HEPACAM2: variants seen among roughly 807,000 people sequenced by gnomAD.
The protein encoded by HEPACAM2 is mitotic kinetics regulator.
A neutral mutation model predicts 49.6 loss-of-function variants in HEPACAM2; 49 were observed. That is an observed-to-expected ratio of 0.99 (90% CI 0.78 to 1.25). The LOEUF (loss-of-function observed/expected upper bound fraction) is 1.25. Among genes scored for constraint, HEPACAM2 ranks in the 50% most tolerant of loss-of-function variants. The pLI is 0.00. For missense variants in HEPACAM2, 525 were observed against 557.2 expected, an observed-to-expected ratio of 0.94 and a Z score of 0.58; for synonymous variants, 197 against 202.9, an observed-to-expected ratio of 0.97 and a Z score of 0.25.
intron 2 of HEPACAM2, among the ~76,000 whole-genome samples, chr7:93,217,825 TAGAG>T (rs1794343167): frequency 6.7e-6 from 1 of 150,338 alleles, no homozygotes; most frequent in African/African-American, 2.4e-5. Flanking sequence ...GAATTGGAGA[TAGAG>T]AGTGACTCTC....
At chr7:93,219,604 G>T in intron 1 of HEPACAM2, 153 bp from the exon 2 acceptor site, 1 of 1,363,488 alleles carries the variant, frequency 7.3e-7, no homozygotes, top group Non-Finnish European at 9.7e-7. Context: ...ACATATAGAG[G>T]TAAATATTTG....
At chr7:93,224,257 G>A (rs1330262005) in intron 1 of HEPACAM2, among the ~76,000 whole-genome samples, 1 of 151,792 alleles carries the variant, frequency 6.6e-6, no homozygotes, top group Admixed American at 6.6e-5. Flanking sequence ...CGAGACCTCT[G>A]TCTCTATTTG....
intron 4 of HEPACAM2, among the ~76,000 whole-genome samples, chr7:93,204,190 G>C (rs540943002): frequency 2.0e-4 from 31 of 152,214 alleles, no homozygotes; most frequent in African/African-American, 7.5e-4. Context: ...CGTACAAATT[G>C]AAAACATTTC....
At chr7:93,194,465 T>A (rs965776417) in intron 8 of HEPACAM2, among the ~76,000 whole-genome samples, 8 of 152,108 alleles carry the variant, frequency 5.3e-5, no homozygotes, top group African/African-American at 1.7e-4. Context: ...GTCTTTTGGT[T>A]GTGGAAGTGA....
intron 8 of HEPACAM2, 69 bp downstream of exon 8, chr7:93,195,759 A>ACTGCCC: frequency 8.0e-7 from 1 of 1,245,816 alleles, no homozygotes; most frequent in Non-Finnish European, 1.2e-6. Context: ...GTGCTTAAAC[A>ACTGCCC]AATGCTTTTT....
At chr7:93,199,232 A>G (rs1793817000) in intron 4 of HEPACAM2, among the ~76,000 whole-genome samples, 1 of 152,134 alleles carries the variant, frequency 6.6e-6, no homozygotes, top group African/African-American at 2.4e-5. Flanking sequence ...CAGATTTTAA[A>G]TTAAACTCTT....
intron 4 of HEPACAM2, among the ~76,000 whole-genome samples, chr7:93,197,982 T>C (rs1463047903): frequency 2.6e-5 from 4 of 152,110 alleles, no homozygotes; most frequent in Admixed American, 6.6e-5. Flanking sequence ...TCCATTTTGC[T>C]TTTTTAGCAT....
intron 4 of HEPACAM2, 24 bp downstream of exon 4, chr7:93,208,556 C>A (rs956055987): frequency 1.3e-6 from 2 of 1,597,186 alleles, no homozygotes; most frequent in Non-Finnish European, 1.7e-6. Context: ...TTATTAGGAT[C>A]CCTTCCTTGT....
rs182581158 is a variant in HEPACAM2, at chr7:93,215,886, C to A, written c.431-201G>T. ...GCAAAATGACAAAATATGAGAATAT[C>A]ATTTATAGTCAGAGATAATCAAATT... On this transcript the variant is annotated intron_variant, in intron 2 of 9. Transcript: ENST00000394468. Among the ~76,000 whole-genome samples the A allele has an allele frequency of 7.9e-5, 12 of 152,148 alleles. No individual in the cohort carries two copies. In the East Asian group the frequency reaches 2.3e-3, roughly 29 times the overall value.
At chr7:93,225,287 C>A (rs937582420) in intron 1 of HEPACAM2, among the ~76,000 whole-genome samples, 3 of 151,816 alleles carry the variant, frequency 2.0e-5, no homozygotes, top group African/African-American at 7.3e-5. Flanking sequence ...TTTTAGAAAA[C>A]AAAAATCTAT....
At chr7:93,226,249 G>A (rs1794537070) in intron 1 of HEPACAM2, 119 bp downstream of exon 1, 3 of 690,914 alleles carry the variant, frequency 4.3e-6, no homozygotes, top group Admixed American at 2.6e-5. Flanking sequence ...AAAAGGTTCT[G>A]ACCTGCTCTT....
intron 4 of HEPACAM2, among the ~76,000 whole-genome samples, chr7:93,202,439 C>CT (rs933984876): frequency 6.6e-5 from 10 of 151,910 alleles, no homozygotes; most frequent in Non-Finnish European, 8.8e-5. Context: ...GCAAGTTCAA[C>CT]TTTTTTTCTG....
chr7:93,207,941 G>A (rs1050579512), intron 4 of HEPACAM2, among the ~76,000 whole-genome samples: 1 of 152,042 alleles, frequency 6.6e-6, no homozygotes, highest in African/African-American at 2.4e-5. Flanking sequence ...AGAAGAGAAG[G>A]TGTAGAAGGA....
intron 4 of HEPACAM2, among the ~76,000 whole-genome samples, chr7:93,202,985 C>T (rs1029859114): frequency 2.0e-5 from 3 of 152,056 alleles, no homozygotes; most frequent in African/African-American, 7.2e-5. Context: ...ACAGAGGATC[C>T]CACTGTTTCC....
chr7:93,215,887 A>G (rs372293613), intron 2 of HEPACAM2, among the ~76,000 whole-genome samples: 2 of 152,314 alleles, frequency 1.3e-5, no homozygotes, highest in African/African-American at 2.4e-5. Context: ...TGAGAATATC[A>G]TTTATAGTCA....
At chr7:93,203,509 G>C (rs190092136) in intron 4 of HEPACAM2, among the ~76,000 whole-genome samples, 2 of 152,230 alleles carry the variant, frequency 1.3e-5, no homozygotes, top group Admixed American at 1.3e-4. Flanking sequence ...ACCTGCAGGA[G>C]CTTCCTTCTT....
Position 93,193,119 on chromosome 7 carries a change from A to C in HEPACAM2, c.1276-756T>G, listed in dbSNP as rs180992085. ...TCCTATTTTAATCCTACTTCTGTCCACTTTCAGTCCTTCATATTTATACAC... is the reference window on the plus strand; with the variant it reads ...TCCTATTTTAATCCTACTTCTGTCCCCTTTCAGTCCTTCATATTTATACAC... On this transcript the variant is annotated intron_variant, in intron 8 of 9. Coordinates refer to ENST00000394468, the MANE Select transcript of HEPACAM2 (RefSeq NM_001039372.4). Among the ~76,000 whole-genome samples, 353 of 152,164 alleles carry C rather than the reference A, an allele frequency of 2.3e-3. 2 individuals are homozygous for C. The highest frequency in any genetic ancestry group is 7.8e-3 in the African/African-American group (322 of 41,538).
chr7:93,228,260 T>A (rs185229277), upstream of HEPACAM2, among the ~76,000 whole-genome samples: 1 of 152,224 alleles, frequency 6.6e-6, no homozygotes, highest in African/African-American at 2.4e-5. Flanking sequence ...CTTTGTTGTA[T>A]TTGAAAATAT....
At chr7:93,212,173 T>G (rs142646815) in intron 3 of HEPACAM2, among the ~76,000 whole-genome samples, 1 of 152,204 alleles carries the variant, frequency 6.6e-6, no homozygotes, top group African/African-American at 2.4e-5. Flanking sequence ...ATAAGGTCAA[T>G]TACCTAATTT....
Sources: gnomAD v4.1 joint callset for allele counts (sites outside exome capture counted in the v4.1 genomes callset) on GRCh38, gnomAD v4.1.1 for gene constraint, MANE v1.5 for transcripts, NCBI Gene and HGNC (gene_info 2026-07-23, HGNC 2026-07-21) for gene names.